Variants in SDK2 observed in about 807,000 individuals in gnomAD.
SDK2 encodes the protein sidekick cell adhesion molecule 2.
A neutral mutation model predicts 253.9 loss-of-function variants in SDK2; 105 were observed. The observed-to-expected ratio is 0.41, with a 90% CI of 0.35 to 0.49. SDK2 has a LOEUF of 0.49. SDK2 is among the 20% of genes least tolerant of loss of function. The pLI is 0.06. For missense variants in SDK2, 2,608 were observed against 3,003.0 expected (o/e 0.87, Z 3.07); for synonymous variants, 1,249 against 1,234.9 (o/e 1.01, Z -0.24).
chr17:73,402,218 C>T, intron 18 of SDK2, 77 bp from the exon 19 acceptor site: 1 of 1,459,554 alleles, frequency 6.9e-7, no homozygotes, highest in Non-Finnish European at 9.4e-7. Flanking sequence ...ACAGGCTGGG[C>T]CAATCAACAG....
intron 1 of SDK2, among the ~76,000 whole-genome samples, chr17:73,566,828 T>C (rs1026564825): frequency 6.8e-6 from 1 of 147,976 alleles, no homozygotes; most frequent in East Asian, 2.0e-4. Flanking sequence ...TTCCTACGAC[T>C]AGATATGAGA....
intron 21 of SDK2, among the ~76,000 whole-genome samples, chr17:73,399,597 G>A (rs561438180): frequency 6.6e-6 from 1 of 152,308 alleles, no homozygotes; most frequent in South Asian, 2.1e-4. Flanking sequence ...GGATGTGAGT[G>A]AGGTAATCAT....
At position 73,433,782 on chromosome 17, in the gene SDK2, A is replaced by G; in HGVS notation, c.1262T>C (p.Leu421Pro). 2 of 1,608,024 alleles carry G rather than the reference A, an allele frequency of 1.2e-6. No homozygotes were observed. The highest frequency in any genetic ancestry group is 2.2e-5 in the East Asian group (1 of 44,736). Reference protein sequence around the residue: ...STVIDGMSVVLACETSGAPRP... With the variant: ...STVIDGMSVVPACETSGAPRP... ...GGGCGCCCCCGAGGTCTCACATGCT[A>G]GCACCACTGACATGCCATCGATCAC... is the stretch of plus-strand genomic sequence containing the variant. Residue 421 changes from leucine to proline, a missense_variant, in exon 10 of 45, where the codon CTA (leucine) becomes CCA (proline). By Grantham distance (98) the Leu-to-Pro change is moderately conservative (BLOSUM62 -3). Coordinates refer to ENST00000392650, the MANE Select transcript of SDK2 (RefSeq NM_001144952.2).
chr17:73,459,661 G>T (rs373916806), intron 3 of SDK2, among the ~76,000 whole-genome samples: 2 of 151,658 alleles, frequency 1.3e-5, no homozygotes, highest in African/African-American at 2.4e-5. Context: ...TAGTTCTGTC[G>T]TTCCATTACT....
At chr17:73,436,520 T>C (rs2063369801) in intron 8 of SDK2, among the ~76,000 whole-genome samples, 1 of 138,628 alleles carries the variant, frequency 7.2e-6, no homozygotes, top group African/African-American at 2.8e-5. Context: ...GAGGTTGCAG[T>C]GAGCCAAGAT....
At chr17:73,357,823 C>T (rs2062604454) in intron 40 of SDK2, 3 of 603,158 alleles carry the variant, frequency 5.0e-6, no homozygotes, top group Non-Finnish European at 8.9e-6. Flanking sequence ...CCTGAGCAAT[C>T]CTCAACCCAA....
At chr17:73,350,625 G>C in intron 42 of SDK2, 25 bp downstream of exon 42, 1 of 1,602,344 alleles carries the variant, frequency 6.2e-7, no homozygotes, top group African/African-American at 1.3e-5. Flanking sequence ...AGTCCAGCCA[G>C]CATGGCTGGT....
At chr17:73,448,821 C>T (rs758927471) in intron 4 of SDK2, among the ~76,000 whole-genome samples, 15 of 152,074 alleles carry the variant, frequency 9.9e-5, no homozygotes, top group South Asian at 4.2e-4. Context: ...CCACCACACC[C>T]GGCTAATTCT....
chr17:73,437,617 A>T (rs35400033), intron 8 of SDK2, 122 bp downstream of exon 8: 214,868 of 863,086 alleles, frequency 0.25, 29,084 homozygotes, highest in South Asian at 0.38. Context: ...ACAGCCAGAC[A>T]GACTCTCTGC....
At position 73,562,417 on chromosome 17, in the gene SDK2, TTC is replaced by T. The variant is rs150594979; in HGVS notation, c.65-54822_65-54821del. The stretch of plus-strand genomic sequence containing the variant: ...GATTTTGGGCTTGGTCTTGTATCTG[TTC>T]TCTTTTTAGATCCAATTAACTTGCC... On this transcript the variant is annotated intron_variant, in intron 1 of 44. Transcript: ENST00000392650. 3.6e-3 allele frequency among the ~76,000 whole-genome samples: 545 copies of T among 152,370 alleles called. 7 individuals carry two copies. The highest frequency in any genetic ancestry group is 0.012 in the African/African-American group (518 of 41,596).
intron 1 of SDK2, among the ~76,000 whole-genome samples, chr17:73,556,442 C>A (rs1390233190): frequency 1.3e-5 from 2 of 152,318 alleles, no homozygotes; most frequent in East Asian, 3.9e-4. Context: ...CTCCGAAGAG[C>A]CAGGTATGTC....
intron 1 of SDK2, among the ~76,000 whole-genome samples, chr17:73,603,088 C>A (rs922500287): frequency 6.6e-6 from 1 of 152,152 alleles, no homozygotes; most frequent in African/African-American, 2.4e-5. Flanking sequence ...CTGAGACACT[C>A]ACCACCCTCC....
intron 1 of SDK2, among the ~76,000 whole-genome samples, chr17:73,542,932 C>T (rs1408538636): frequency 6.6e-6 from 1 of 152,134 alleles, no homozygotes; most frequent in African/African-American, 2.4e-5. Context: ...TCCCCTAGGC[C>T]CTGGAGAGCG....
chr17:73,404,013 T>G (rs1264862012), intron 18 of SDK2, among the ~76,000 whole-genome samples: 3 of 152,236 alleles, frequency 2.0e-5, no homozygotes, highest in African/African-American at 7.2e-5. Flanking sequence ...TTCCTGGGCT[T>G]AGGCCAATTA....
chr17:73,459,936 G>C (rs1203711914), intron 3 of SDK2, among the ~76,000 whole-genome samples: 1 of 152,158 alleles, frequency 6.6e-6, no homozygotes, highest in Non-Finnish European at 1.5e-5. Flanking sequence ...GAGATGATAT[G>C]TGTATGTCAG....
chr17:73,439,643 CT>C (rs1362019543), intron 6 of SDK2, among the ~76,000 whole-genome samples: 2 of 152,234 alleles, frequency 1.3e-5, no homozygotes, highest in African/African-American at 4.8e-5. Flanking sequence ...GTCTAACCCC[CT>C]GCCCATCCCA....
At chr17:73,597,514 A>G (rs894152159) in intron 1 of SDK2, among the ~76,000 whole-genome samples, 21 of 152,296 alleles carry the variant, frequency 1.4e-4, no homozygotes, top group African/African-American at 4.8e-4. Context: ...CAACAGAACT[A>G]TGGACATTAC....
In SDK2 at chr17:73,379,104, T is replaced by C. The variant is rs2062808834; in HGVS notation, c.4980+73A>G. The stretch of plus-strand genomic sequence containing the variant: ...CCTGGGGACCTGCCTGCCTCCCACA[T>C]ATCACTCACTCCCCAGCCTCCGACC... On this transcript the variant is annotated intron_variant, in intron 36 of 44. Transcript: ENST00000392650. This position sits in a 1 kb window ranked among gnomAD's most constrained non-coding sequence, Gnocchi z 4.5. 8.7e-7 allele frequency: 1 copy of C among 1,145,816 alleles called. No individual in the cohort carries two copies. The highest frequency in any genetic ancestry group is 1.4e-5 in the South Asian group (1 of 71,430). 71.0% of individuals were successfully genotyped at this position (1,145,816 alleles called of 1,614,324 possible).
At chr17:73,531,130 T>C (rs1214119029) in intron 1 of SDK2, among the ~76,000 whole-genome samples, 1 of 152,216 alleles carries the variant, frequency 6.6e-6, no homozygotes, top group Admixed American at 6.5e-5. Context: ...CCTTGGAAAG[T>C]ACAGCTGCTT....
Sources: gnomAD v4.1 joint callset for allele counts (sites outside exome capture counted in the v4.1 genomes callset) on GRCh38, gnomAD v4.1.1 for gene constraint, Gnocchi (gnomAD v3.1) non-coding constraint, MANE v1.5 for transcripts, NCBI Gene and HGNC (gene_info 2026-07-23, HGNC 2026-07-21) for gene names.